The following DNAH11 variants were observed in gnomAD, a reference collection of about 807,000 sequenced individuals.
The protein encoded by DNAH11 is axonemal beta dynein heavy chain 11.
In DNAH11, 442 loss-of-function variants were observed where a neutral mutation model predicts 526.0. The observed-to-expected ratio is 0.84, with a 90% CI of 0.78 to 0.91. DNAH11 has a LOEUF of 0.91. Among genes scored for constraint, DNAH11 ranks in the 40% least tolerant of loss-of-function variants. The pLI is 0.00. For missense variants in DNAH11, 6,989 were observed against 5,448.7 expected (o/e 1.28, Z -8.90); for synonymous variants, 2,461 against 1,935.9 (o/e 1.27, Z -7.12).
At chr7:21,833,370 T>C (rs761183158) in intron 65 of DNAH11, among the ~76,000 whole-genome samples, 15 of 152,084 alleles carry the variant, frequency 9.9e-5, no homozygotes, top group East Asian at 1.9e-4. Flanking sequence ...GATGAATGAA[T>C]TCAACCCAAG....
chr7:21,568,983 G>C (rs1312985337), intron 6 of DNAH11, among the ~76,000 whole-genome samples: 13 of 152,146 alleles, frequency 8.5e-5, no homozygotes. Context: ...CTCATGTGGA[G>C]GTTAATTTTC....
chr7:21,628,655 A>G (rs1786461368), intron 25 of DNAH11, among the ~76,000 whole-genome samples: 1 of 152,120 alleles, frequency 6.6e-6, no homozygotes, highest in Admixed American at 6.5e-5. Context: ...TAACCATGGT[A>G]AATGAGTTTT....
At chr7:21,899,105 C>T (rs1784639102) in intron 79 of DNAH11, among the ~76,000 whole-genome samples, 1 of 152,292 alleles carries the variant, frequency 6.6e-6, no homozygotes, top group African/African-American at 2.4e-5. Flanking sequence ...CCACATTCCT[C>T]AGTGTATCTT....
At chr7:21,846,540 G>C (rs1035052892) in intron 66 of DNAH11, among the ~76,000 whole-genome samples, 4 of 151,958 alleles carry the variant, frequency 2.6e-5, no homozygotes, top group Non-Finnish European at 4.4e-5. Flanking sequence ...AACCAGACTT[G>C]CATACCTGGA....
chr7:21,780,594 T>C (rs900011896), intron 57 of DNAH11, among the ~76,000 whole-genome samples: 1 of 152,174 alleles, frequency 6.6e-6, no homozygotes, highest in African/African-American at 2.4e-5. Context: ...TTTTGCATTT[T>C]TACATTTGAA....
chr7:21,678,294 C>T (rs914219908), intron 30 of DNAH11, among the ~76,000 whole-genome samples: 2 of 148,870 alleles, frequency 1.3e-5, no homozygotes, highest in East Asian at 3.9e-4. Flanking sequence ...ATGTGATGTC[C>T]AGTTTTTTCC....
intron 45 of DNAH11, among the ~76,000 whole-genome samples, chr7:21,727,760 C>T (rs2128486307): frequency 6.6e-6 from 1 of 152,316 alleles, no homozygotes; most frequent in Non-Finnish European, 1.5e-5. Context: ...CCAGTGCATT[C>T]ATTTCCTGGA....
intron 31 of DNAH11, among the ~76,000 whole-genome samples, chr7:21,682,331 C>G (rs1203622238): frequency 2.0e-5 from 3 of 151,970 alleles, no homozygotes; most frequent in Admixed American, 2.0e-4. Flanking sequence ...TCGAGACCAT[C>G]CTGGCTAACA....
At chr7:21,731,402 A>C (rs572377584) in intron 45 of DNAH11, among the ~76,000 whole-genome samples, 1 of 152,324 alleles carries the variant, frequency 6.6e-6, no homozygotes, top group East Asian at 1.9e-4. Context: ...AACAACCAAA[A>C]AAAGGAAAAT....
At chr7:21,646,711 T>C (rs920077260) in intron 28 of DNAH11, among the ~76,000 whole-genome samples, 2 of 152,170 alleles carry the variant, frequency 1.3e-5, no homozygotes, top group African/African-American at 4.8e-5. Context: ...TTATAATTTA[T>C]AGGTAGAATA....
rs371235859 is a variant in DNAH11 at position 21,658,999 on chromosome 7, G to C, written c.5296G>C (p.Glu1766Gln). The change falls in exon 30 of 82, where the codon GAA becomes CAA. Residue 1766 changes from glutamate (E) to glutamine (Q), a missense_variant. Transcript: ENST00000409508. Reference protein sequence around the residue: ...IAFSRLEEGYETALKDFHKKQ... With the variant: ...IAFSRLEEGYQTALKDFHKKQ... ...CTTCAGTAGACTGGAAGAAGGCTAC[G>C]AAACAGCCCTGAAGGATTTCCATAA... 3 of 1,606,620 alleles carry C rather than the reference G, an allele frequency of 1.9e-6. No homozygotes were observed. The highest frequency in any genetic ancestry group is 2.5e-6 in the Non-Finnish European group (3 of 1,176,572).
At chr7:21,674,942 A>G (rs73682673) in intron 30 of DNAH11, among the ~76,000 whole-genome samples, 4,425 of 152,208 alleles carry the variant, frequency 0.029, 208 homozygotes, top group African/African-American at 0.1. Flanking sequence ...TCAATAGCCA[A>G]TCAACCACCA....
At chr7:21,697,096 C>T (rs1783886504) in intron 35 of DNAH11, among the ~76,000 whole-genome samples, 1 of 152,046 alleles carries the variant, frequency 6.6e-6, no homozygotes, top group South Asian at 2.1e-4. Context: ...ATCAGGTATG[C>T]ATGAAGTAGA....
intron 73 of DNAH11, among the ~76,000 whole-genome samples, chr7:21,872,116 T>C (rs1783517214): frequency 1.4e-4 from 2 of 14,652 alleles, no homozygotes; most frequent in African/African-American, 1.8e-4. Flanking sequence ...AGAGCGAGAC[T>C]CTGTCTCAAA....
chr7:21,621,504 G>C lies in DNAH11; in HGVS notation c.4500+1426G>C, dbSNP rs528940204. Among the ~76,000 whole-genome samples the C allele has an allele frequency of 4.3e-4, 65 of 152,144 alleles. 1 individual carries two copies. The South Asian group carries it at 0.012, about 28-fold the overall frequency. On this transcript the variant is annotated intron_variant, in intron 25 of 81. Transcript: ENST00000409508. ...AGCATCATCCTGATACCAAAGCCGG[G>C]CAGAGACACAACCAAAAAAGAGAAT...
intron 29 of DNAH11, among the ~76,000 whole-genome samples, chr7:21,658,551 T>C (rs1782114834): frequency 6.6e-6 from 1 of 152,106 alleles, no homozygotes; most frequent in Non-Finnish European, 1.5e-5. Flanking sequence ...GGAAAGTTGT[T>C]AGCCAGCTGG....
chr7:21,879,270 G>A (rs1172291687), intron 74 of DNAH11, among the ~76,000 whole-genome samples: 1 of 151,974 alleles, frequency 6.6e-6, no homozygotes, highest in Non-Finnish European at 1.5e-5. Context: ...TGGCCAATCT[G>A]GTGAATCCCC....
intron 6 of DNAH11, among the ~76,000 whole-genome samples, chr7:21,565,786 G>T (rs768427797): frequency 2.0e-5 from 3 of 152,052 alleles, no homozygotes; most frequent in Non-Finnish European, 4.4e-5. Flanking sequence ...GTGTTTAATC[G>T]AGGCTCAGTA....
intron 76 of DNAH11, among the ~76,000 whole-genome samples, chr7:21,885,019 C>A (rs1784072426): frequency 6.6e-6 from 1 of 151,374 alleles, no homozygotes; most frequent in Non-Finnish European, 1.5e-5. Flanking sequence ...ACACGTGTAT[C>A]AAAACATCAC....
Sources: gnomAD v4.1 joint callset for allele counts (sites outside exome capture counted in the v4.1 genomes callset) on GRCh38, gnomAD v4.1.1 for gene constraint, MANE v1.5 for transcripts, NCBI Gene and HGNC (gene_info 2026-07-23, HGNC 2026-07-21) for gene names.